Variants in FRMPD4 observed in about 807,000 individuals in gnomAD.
FRMPD4 encodes FERM and PDZ domain-containing protein 4.
Under a neutral mutation model 94.1 loss-of-function variants are expected in FRMPD4, and 22 were observed. That is an observed-to-expected ratio of 0.23 (90% CI 0.17 to 0.33). The LOEUF (loss-of-function observed/expected upper bound fraction) is 0.33. FRMPD4 is among the 10% of genes least tolerant of loss of function. FRMPD4 has a pLI of 1.00. For missense variants in FRMPD4, 1,111 were observed against 1,339.9 expected (o/e 0.83, Z 2.67); for synonymous variants, 631 against 548.6 (o/e 1.15, Z -2.10).
intron 3 of FRMPD4, among the ~76,000 whole-genome samples, chrX:12,057,767 T>C (rs2054862966): frequency 8.9e-6 from 1 of 111,756 alleles, no homozygotes; most frequent in African/African-American, 3.2e-5. Context: ...GACTGTATTA[T>C]ACTTCATTTA....
intron 3 of FRMPD4, among the ~76,000 whole-genome samples, chrX:12,035,717 A>G: frequency 9.0e-6 from 1 of 111,524 alleles, no homozygotes; most frequent in Admixed American, 9.5e-5. Flanking sequence ...ACTGCTCTTG[A>G]ATTTTAAAGC....
Position 12,716,253 on chromosome X carries a change from C to G in FRMPD4, c.1794C>G (p.Asp598Glu). The change falls in exon 15 of 17, where the codon GAC (aspartate) becomes GAG (glutamate). Residue 598 changes from aspartate to glutamate, a missense_variant. This residue lies in a region of FRMPD4 where 192 missense variants were observed against 192.5 expected (regional missense o/e 1.00). Coordinates refer to ENST00000675598, the MANE Select transcript of FRMPD4 (RefSeq NM_001368397.1). Reference protein sequence around the residue: ...CPKEHRHLYIDNAYSSDGLNQ... With the variant: ...CPKEHRHLYIENAYSSDGLNQ... The stretch of plus-strand genomic sequence containing the variant: ...AAGAGCACCGGCACTTGTACATAGA[C>G]AATGCCTATAGTTCAGATGGACTTA... 1 of 1,210,156 alleles carries G rather than the reference C, an allele frequency of 8.3e-7. No individual in the cohort carries two copies. The highest frequency in any genetic ancestry group is 1.1e-6 in the Non-Finnish European group (1 of 894,011).
chrX:12,475,473 C>G (rs1339419421), intron 1 of FRMPD4, among the ~76,000 whole-genome samples: 1 of 111,230 alleles, frequency 9.0e-6, no homozygotes, highest in Non-Finnish European at 1.9e-5. Flanking sequence ...GGCAATCAGG[C>G]AGGAGAAGGA....
chrX:12,430,855 G>T (rs180975533), intron 1 of FRMPD4, among the ~76,000 whole-genome samples: 138 of 112,222 alleles, frequency 1.2e-3, no homozygotes, highest in African/African-American at 4.4e-3. Context: ...TAGGTAAAAT[G>T]ACATCATTGA....
Position 12,106,605 on chromosome X carries a change from A to C in FRMPD4, c.95+228587A>C, listed in dbSNP as rs1159948593. Among the ~76,000 whole-genome samples, 5 of 111,711 alleles carry C rather than the reference A, an allele frequency of 4.5e-5. No homozygotes were observed. The South Asian group carries it at 1.2e-3, about 26-fold the overall frequency. ...AGCATGAGCTTAAGCAGGATGAGGC[A>C]TCGCCTCACCCGGGAAGCACAAGGG... On this transcript the variant is annotated intron_variant, in intron 3 of 18. Transcript: ENST00000640291.
intron 2 of FRMPD4, among the ~76,000 whole-genome samples, chrX:12,580,155 GT>G (rs748993111): frequency 3.6e-5 from 4 of 112,350 alleles, no homozygotes; most frequent in African/African-American, 1.3e-4. Context: ...CAAGAGGTAA[GT>G]TTACCAGTTT....
chrX:12,162,457 A>C (rs1431612163), intron 1 of FRMPD4, among the ~76,000 whole-genome samples: 1 of 112,395 alleles, frequency 8.9e-6, no homozygotes, highest in Non-Finnish European at 1.9e-5. Context: ...GAGGTGTATT[A>C]GTTGGGAGAC....
At chrX:12,417,785 G>A (rs1399328478) in intron 1 of FRMPD4, among the ~76,000 whole-genome samples, 7 of 107,447 alleles carry the variant, frequency 6.5e-5, no homozygotes, top group Admixed American at 9.9e-5. Context: ...CGAGGCGGGC[G>A]GATCACGAGG....
intron 3 of FRMPD4, among the ~76,000 whole-genome samples, chrX:11,967,770 T>TTTGTTTTTTG (rs2054319058): frequency 9.6e-6 from 1 of 103,675 alleles, no homozygotes; most frequent in African/African-American, 3.5e-5. Context: ...TTTTTTTTTT[T>TTTGTTTTTTG]TTTTTTTTAA....
chrX:12,065,226 G>A (rs2054911606), intron 3 of FRMPD4, among the ~76,000 whole-genome samples: 1 of 112,062 alleles, frequency 8.9e-6, no homozygotes, highest in African/African-American at 3.2e-5. Context: ...ATGAGCTCCA[G>A]GTATTCTGGT....
At chrX:12,087,415 C>A (rs1439160561) in intron 3 of FRMPD4, among the ~76,000 whole-genome samples, 1 of 112,027 alleles carries the variant, frequency 8.9e-6, no homozygotes, top group Admixed American at 9.5e-5. Flanking sequence ...ACTCAGTGCC[C>A]TCCTCTTAGA....
intron 1 of FRMPD4, among the ~76,000 whole-genome samples, chrX:12,235,368 A>G (rs912760555): frequency 8.9e-6 from 1 of 112,328 alleles, no homozygotes; most frequent in Non-Finnish European, 1.9e-5. Context: ...AGCTAATGGT[A>G]GTTCATGCCT....
At chrX:12,285,225 A>G (rs1288621460) in intron 1 of FRMPD4, among the ~76,000 whole-genome samples, 1 of 111,801 alleles carries the variant, frequency 8.9e-6, no homozygotes, top group East Asian at 2.8e-4. Flanking sequence ...TTTTTTGTGC[A>G]AGGCCATTCA....
intron 4 of FRMPD4, among the ~76,000 whole-genome samples, chrX:12,619,539 C>A (rs2059268011): frequency 9.0e-6 from 1 of 111,431 alleles, no homozygotes; most frequent in South Asian, 3.8e-4. Context: ...CCCACCCAGG[C>A]CTTGGTGGCA....
chrX:12,159,724 C>T (rs1430587047), intron 1 of FRMPD4, among the ~76,000 whole-genome samples: 1 of 112,015 alleles, frequency 8.9e-6, no homozygotes, highest in Non-Finnish European at 1.9e-5. Flanking sequence ...AATGAAAATC[C>T]AGGCTTACAG....
intron 1 of FRMPD4, among the ~76,000 whole-genome samples, chrX:12,450,732 C>T (rs1184368028): frequency 9.1e-6 from 1 of 109,814 alleles, no homozygotes; most frequent in East Asian, 2.8e-4. Flanking sequence ...CATAGTTTTC[C>T]TCAAATAAAC....
At chrX:12,324,144 A>G (rs2055250891) in intron 1 of FRMPD4, among the ~76,000 whole-genome samples, 1 of 112,199 alleles carries the variant, frequency 8.9e-6, no homozygotes, top group Non-Finnish European at 1.9e-5. Context: ...AACAAACACT[A>G]TCTTTTAAGT....
intron 3 of FRMPD4, among the ~76,000 whole-genome samples, chrX:11,971,943 T>C (rs1664545060): frequency 8.9e-6 from 1 of 112,045 alleles, no homozygotes; most frequent in Non-Finnish European, 1.9e-5. Flanking sequence ...TTTTGTTTGG[T>C]TGTTTGGTGA....
chrX:12,324,825 G>A (rs1053327211), intron 1 of FRMPD4, among the ~76,000 whole-genome samples: 2 of 112,209 alleles, frequency 1.8e-5, no homozygotes, highest in South Asian at 3.7e-4. Context: ...GATAATGGGT[G>A]TGGATTTTTA....
Sources: gnomAD v4.1 joint callset for allele counts (sites outside exome capture counted in the v4.1 genomes callset) on GRCh38, gnomAD v4.1.1 for gene constraint, gnomAD v4.1.1 regional missense constraint, MANE v1.5 for transcripts, NCBI Gene and HGNC (gene_info 2026-07-23, HGNC 2026-07-21) for gene names.